CAPN14: variants seen among roughly 807,000 people sequenced by gnomAD.
CAPN14 encodes the protein calpain-14.
CAPN14 carries 94 observed loss-of-function variants against 101.3 expected under a neutral mutation model. The ratio of observed to expected loss-of-function variants is 0.93; its 90% confidence interval spans 0.79 to 1.10. CAPN14 has a LOEUF of 1.10. Among genes scored for constraint, CAPN14 ranks in the 50% least tolerant of loss-of-function variants. The pLI is 0.00. For synonymous variants in CAPN14, 338 were observed against 317.9 expected (o/e 1.06, Z -0.67); for missense variants, 837 against 828.4 (o/e 1.01, Z -0.13).
At position 31,174,541 on chromosome 2, in the gene CAPN14, C is replaced by T. The variant is rs527838575; in HGVS notation, c.*140G>A. 1 of 836,536 alleles carries T rather than the reference C, an allele frequency of 1.2e-6. No individual in the cohort carries two copies. Among genetic ancestry groups the T allele is most frequent in the African/African-American group, 1.7e-5 (1 of 58,954 alleles). 51.8% of individuals were successfully genotyped at this position (836,536 alleles called of 1,614,324 possible). ...CACGGGGAGGGCTGCAGAAGAGAAA[C>T]CTTCCCAGCTGAGAAGGTGACGGCT... On this transcript the variant is annotated 3_prime_UTR_variant, in exon 22 of 22. Transcript: ENST00000403897.
intron 11 of CAPN14, 110 bp from the exon 12 acceptor site, chr2:31,191,517 T>C: frequency 3.9e-6 from 4 of 1,029,084 alleles, no homozygotes; most frequent in Non-Finnish European, 5.6e-6. Context: ...GAAGCTGATA[T>C]ACAAGGCTCT....
At chr2:31,233,577 GC>G (rs1467895618) in intron 1 of CAPN14, among the ~76,000 whole-genome samples, 2 of 152,078 alleles carry the variant, frequency 1.3e-5, no homozygotes, top group African/African-American at 4.8e-5. Context: ...AATTGTAACT[GC>G]CCCATAATAA....
intron 1 of CAPN14, among the ~76,000 whole-genome samples, chr2:31,211,185 GAAAGAAAGAAA>G (rs929235963): frequency 2.2e-5 from 3 of 137,472 alleles, no homozygotes; most frequent in Non-Finnish European, 4.8e-5. Flanking sequence ...CAATAAAACA[GAAAGAAAGAAA>G]AAAGAAAGAA....
intron 2 of CAPN14, among the ~76,000 whole-genome samples, chr2:31,223,033 A>G (rs13387073): frequency 0.16 from 24,437 of 152,172 alleles, 2,630 homozygotes; most frequent in African/African-American, 0.31. Context: ...CTGGAAGAAG[A>G]CTTTCACCAG....
chr2:31,229,729 ATATAG>A (rs1683132798), intron 1 of CAPN14, among the ~76,000 whole-genome samples: 1 of 151,436 alleles, frequency 6.6e-6, no homozygotes, highest in Non-Finnish European at 1.5e-5. Context: ...AACAGTGTAT[ATATAG>A]TATATAGCTG....
chr2:31,198,456 A>T (rs777435624), intron 7 of CAPN14, among the ~76,000 whole-genome samples: 13 of 152,100 alleles, frequency 8.5e-5, no homozygotes, highest in Non-Finnish European at 1.9e-4. Context: ...ATTAACTGAG[A>T]CCTGTCTCAG....
At chr2:31,231,073 T>C (rs17011104) in intron 1 of CAPN14, among the ~76,000 whole-genome samples, 3,739 of 152,310 alleles carry the variant, frequency 0.025, 147 homozygotes, top group African/African-American at 0.083. Context: ...TTGTTGCCAT[T>C]GCTATGTTAC....
chr2:31,182,054 G>A (rs1031012314), intron 16 of CAPN14, among the ~76,000 whole-genome samples: 1 of 151,982 alleles, frequency 6.6e-6, no homozygotes, highest in African/African-American at 2.4e-5. Flanking sequence ...GGGATGGCTG[G>A]GTCAAATGGT....
chr2:31,223,638 C>T (rs1386896589), intron 2 of CAPN14, among the ~76,000 whole-genome samples: 1 of 150,356 alleles, frequency 6.7e-6, no homozygotes, highest in East Asian at 1.9e-4. Context: ...AAGCAATTCT[C>T]CTGCTTCAGC....
At chr2:31,209,917 T>C (rs1682301025) in intron 1 of CAPN14, among the ~76,000 whole-genome samples, 1 of 152,178 alleles carries the variant, frequency 6.6e-6, no homozygotes. Context: ...TGTTGAATAT[T>C]ACCAGCACAG....
intron 12 of CAPN14, 55 bp downstream of exon 12, chr2:31,191,344 G>T (rs552498841): frequency 1.3e-6 from 2 of 1,512,854 alleles, no homozygotes; most frequent in East Asian, 4.9e-5. Flanking sequence ...GTGGAGGCTT[G>T]GCCACATGTG....
intron 6 of CAPN14, 60 bp from the exon 7 acceptor site, chr2:31,199,592 C>T (rs776763221): frequency 1.2e-5 from 17 of 1,391,314 alleles, no homozygotes; most frequent in South Asian, 2.6e-5. Flanking sequence ...TTCTTTGAGT[C>T]GTGGGAAGGC....
chr2:31,219,732 T>C (rs1315631519), upstream of CAPN14, among the ~76,000 whole-genome samples: 1 of 152,202 alleles, frequency 6.6e-6, no homozygotes, highest in African/African-American at 2.4e-5. Context: ...AACACAGATG[T>C]AGGTTCACTA....
chr2:31,178,464 AT>A (rs1394353603), intron 18 of CAPN14, 46 bp downstream of exon 18: 1 of 1,431,542 alleles, frequency 7.0e-7, no homozygotes, highest in African/African-American at 1.4e-5. Flanking sequence ...CAGAACTGCC[AT>A]TCCTACACCA....
chr2:31,228,966 G>A (rs1273164242), intron 1 of CAPN14, among the ~76,000 whole-genome samples: 1 of 152,198 alleles, frequency 6.6e-6, no homozygotes, highest in East Asian at 1.9e-4. Flanking sequence ...ACACCTGGTG[G>A]GAGAGGGCCC....
intron 1 of CAPN14, among the ~76,000 whole-genome samples, chr2:31,208,409 G>A (rs1279084004): frequency 2.6e-5 from 4 of 152,120 alleles, no homozygotes; most frequent in African/African-American, 9.7e-5. Context: ...CCTCCCTCAG[G>A]CTCATGCCCT....
intron 5 of CAPN14, 92 bp downstream of exon 5, chr2:31,201,770 C>A: frequency 6.8e-7 from 1 of 1,475,098 alleles, no homozygotes; most frequent in Non-Finnish European, 9.1e-7. Flanking sequence ...GATCTCATTT[C>A]ATAAACTTTA....
At chr2:31,215,068 C>T (rs1361419717) in intron 1 of CAPN14, among the ~76,000 whole-genome samples, 1 of 152,178 alleles carries the variant, frequency 6.6e-6, no homozygotes, top group African/African-American at 2.4e-5. Context: ...TCCCCTCCAG[C>T]TGCCCTGCTC....
chr2:31,187,600 T>C (rs2148678167), intron 15 of CAPN14, among the ~76,000 whole-genome samples, 158 bp downstream of exon 15: 1 of 152,338 alleles, frequency 6.6e-6, no homozygotes, highest in Middle Eastern at 3.4e-3. Context: ...TCTAAAAACT[T>C]GAGGACTTTA....
Sources: gnomAD v4.1 joint callset for allele counts (sites outside exome capture counted in the v4.1 genomes callset) on GRCh38, gnomAD v4.1.1 for gene constraint, MANE v1.5 for transcripts, NCBI Gene and HGNC (gene_info 2026-07-23, HGNC 2026-07-21) for gene names.